Variants in IL1RAPL2 observed in about 807,000 individuals in gnomAD.
IL1RAPL2 encodes the protein interleukin 1 receptor accessory protein like 2, also known as X-linked interleukin-1 receptor accessory protein-like 2.
Under a neutral mutation model 44.1 loss-of-function variants are expected in IL1RAPL2, and 3 were observed. The ratio of observed to expected loss-of-function variants is 0.07; its 90% CI spans 0.03 to 0.18. The LOEUF (loss-of-function observed/expected upper bound fraction) is 0.18. IL1RAPL2 is among the 10% of genes least tolerant of loss of function. The pLI is 1.00. For synonymous variants in IL1RAPL2, 181 were observed against 178.8 expected, an observed-to-expected ratio of 1.01 and a Z score of -0.10; for missense variants, 391 against 496.4, an observed-to-expected ratio of 0.79 and a Z score of 2.02.
intron 2 of IL1RAPL2, among the ~76,000 whole-genome samples, chrX:105,033,322 T>C (rs1018226997): frequency 1.4e-4 from 16 of 111,945 alleles, no homozygotes; most frequent in African/African-American, 5.2e-4. Context: ...CTAGCCTTGA[T>C]GGTCTTTACA....
chrX:104,704,674 A>T (rs971650311), intron 2 of IL1RAPL2, among the ~76,000 whole-genome samples: 2 of 111,768 alleles, frequency 1.8e-5, no homozygotes, highest in Non-Finnish European at 3.8e-5. Flanking sequence ...CTACAGAGAG[A>T]TATAAATATA....
At chrX:104,626,370 C>T (rs1006354193) in intron 1 of IL1RAPL2, among the ~76,000 whole-genome samples, 6 of 108,337 alleles carry the variant, frequency 5.5e-5, no homozygotes, top group Non-Finnish European at 9.5e-5. Flanking sequence ...AGGCATAATT[C>T]GGTATTTGAC....
intron 2 of IL1RAPL2, among the ~76,000 whole-genome samples, chrX:104,773,941 A>G (rs1364950023): frequency 2.7e-5 from 3 of 112,312 alleles, no homozygotes; most frequent in Non-Finnish European, 5.6e-5. Context: ...AGGGGAAGGC[A>G]TGGGCTTTGT....
In IL1RAPL2 at chrX:105,607,032, A is replaced by G. The variant is rs1602487036; in HGVS notation, c.773-110335A>G. 2.7e-5 allele frequency among the ~76,000 whole-genome samples: 3 copies of G among 111,541 alleles called. 1 individual carries two copies. The Admixed American group carries it at 2.8e-4, about 11-fold the overall frequency. ...CTCCATATTTTGAAATAGCTAGAAAAGAGGAGTTTGAATGTTTCTAGCACA... is the reference window on the plus strand; with the variant it reads ...CTCCATATTTTGAAATAGCTAGAAAGGAGGAGTTTGAATGTTTCTAGCACA... On this transcript the variant is annotated intron_variant, in intron 6 of 10. Coordinates refer to ENST00000372582, the MANE Select transcript of IL1RAPL2 (RefSeq NM_017416.2).
chrX:105,195,422 A>G (rs1472928434), intron 2 of IL1RAPL2, 53 bp from the exon 3 acceptor site: 4 of 1,126,636 alleles, frequency 3.6e-6, no homozygotes, highest in Non-Finnish European at 4.9e-6. Context: ...TGCTCACACT[A>G]TTAGTGTCAA....
intron 6 of IL1RAPL2, among the ~76,000 whole-genome samples, chrX:105,644,655 C>G (rs888553144): frequency 9.1e-6 from 1 of 110,225 alleles, no homozygotes; most frequent in Admixed American, 9.7e-5. Context: ...ATGTGCAGAA[C>G]GCGCAGGTTT....
intron 6 of IL1RAPL2, among the ~76,000 whole-genome samples, chrX:105,658,588 G>A (rs906876695): frequency 9.0e-6 from 1 of 111,150 alleles, no homozygotes; most frequent in Middle Eastern, 4.2e-3. Flanking sequence ...AATTTGGGAG[G>A]CCAAAGCAGG....
Position 105,755,365 on chromosome X carries a change from T to C in IL1RAPL2, c.1363+18T>C. On this transcript the variant is annotated intron_variant, in intron 10 of 10. Transcript: ENST00000372582. The stretch of plus-strand genomic sequence containing the variant: ...AAGTGGAAGTAAGTACTTTCAAATT[T>C]TGTGTTTAAAACGTTCTGTTTCTTT... 1 of 1,151,792 alleles carries C rather than the reference T, an allele frequency of 8.7e-7. No individual in the cohort carries two copies. The highest frequency in any genetic ancestry group is 1.2e-6 in the Non-Finnish European group (1 of 849,254). The allele number at this position is 1,151,792 out of a possible 1,213,427, so 94.9% of individuals were successfully genotyped here. A position where few individuals can be genotyped will look rare whatever the true frequency, so the allele number is the denominator to read the frequency against.
intron 2 of IL1RAPL2, among the ~76,000 whole-genome samples, chrX:105,056,073 AT>A (rs1273747850): frequency 8.9e-6 from 1 of 112,241 alleles, no homozygotes; most frequent in Non-Finnish European, 1.9e-5. Context: ...AAAGAAAAAA[AT>A]GACAGCTTTC....
At chrX:105,441,803 G>T (rs936373473) in intron 5 of IL1RAPL2, among the ~76,000 whole-genome samples, 1 of 110,985 alleles carries the variant, frequency 9.0e-6, no homozygotes, top group African/African-American at 3.3e-5. Flanking sequence ...GTATGTGTAT[G>T]TGTGAAGTTG....
chrX:105,382,779 C>G (rs1247172140), intron 5 of IL1RAPL2, among the ~76,000 whole-genome samples: 2 of 106,947 alleles, frequency 1.9e-5, no homozygotes, highest in African/African-American at 7.3e-5. Flanking sequence ...CCATGGAATA[C>G]TATGCAGCCA....
intron 6 of IL1RAPL2, among the ~76,000 whole-genome samples, chrX:105,597,805 T>A (rs760904179): frequency 6.3e-5 from 7 of 111,895 alleles, no homozygotes; most frequent in African/African-American, 2.3e-4. Flanking sequence ...AGGCAAGACA[T>A]CAAGTGTTGG....
At chrX:104,908,076 T>C (rs1284080446) in intron 2 of IL1RAPL2, among the ~76,000 whole-genome samples, 2 of 110,707 alleles carry the variant, frequency 1.8e-5, no homozygotes, top group East Asian at 2.8e-4. Flanking sequence ...TTTGTCTCTT[T>C]TGATCTTTGT....
At chrX:104,803,717 A>G (rs1262182051) in intron 2 of IL1RAPL2, among the ~76,000 whole-genome samples, 3 of 112,600 alleles carry the variant, frequency 2.7e-5, no homozygotes, top group Non-Finnish European at 5.6e-5. Context: ...TAGTTTATCC[A>G]TTCTTCCTGA....
chrX:104,916,630 C>A (rs953114296), intron 2 of IL1RAPL2, among the ~76,000 whole-genome samples: 2 of 111,639 alleles, frequency 1.8e-5, no homozygotes, highest in East Asian at 5.7e-4. Flanking sequence ...TGAGAGAGGG[C>A]ATCCCTGTCT....
At chrX:104,899,220 G>A (rs1374106630) in intron 2 of IL1RAPL2, among the ~76,000 whole-genome samples, 1 of 111,687 alleles carries the variant, frequency 9.0e-6, no homozygotes, top group Non-Finnish European at 1.9e-5. Context: ...GAGAGAACTT[G>A]AATTACTTGC....
chrX:105,056,219 G>T (rs1179180272), intron 2 of IL1RAPL2, among the ~76,000 whole-genome samples: 1 of 111,461 alleles, frequency 9.0e-6, no homozygotes. Flanking sequence ...AGTCTTCTTT[G>T]TGCTAGTAGG....
intron 2 of IL1RAPL2, among the ~76,000 whole-genome samples, chrX:104,906,574 T>C (rs1354530362): frequency 8.9e-6 from 1 of 112,159 alleles, no homozygotes; most frequent in Admixed American, 9.4e-5. Context: ...CATGTGGTTT[T>C]TGTCTTTGGC....
At chrX:105,220,401 C>G in intron 3 of IL1RAPL2, 1 of 1,172,637 alleles carries the variant, frequency 8.5e-7, no homozygotes. Context: ...AGGCCATGAT[C>G]GCCTAGGGGT....
Sources: gnomAD v4.1 joint callset for allele counts (sites outside exome capture counted in the v4.1 genomes callset) on GRCh38, gnomAD v4.1.1 for gene constraint, MANE v1.5 for transcripts, NCBI Gene and HGNC (gene_info 2026-07-23, HGNC 2026-07-21) for gene names.